Variants in CHLSN observed in about 807,000 individuals in gnomAD.
CHLSN encodes protein cholesin.
chr7:1,007,055 G>A, the CHLSN span, among the ~76,000 whole-genome samples: 15 of 152,312 alleles, frequency 9.8e-5, no homozygotes, highest in East Asian at 2.5e-3. Context: ...GCGCTGGGTC[G>A]ACGTGTCTTG....
At chr7:988,212 C>G in the CHLSN span, 30 of 1,504,078 alleles carry the variant, frequency 2.0e-5, no homozygotes, top group South Asian at 6.5e-5. Flanking sequence ...AATGAAACTT[C>G]CCAACCCAGG....
the CHLSN span, among the ~76,000 whole-genome samples, chr7:1,121,846 C>T: frequency 3.4e-4 from 51 of 152,102 alleles, no homozygotes; most frequent in African/African-American, 1.1e-3. Flanking sequence ...CACAGGGCAG[C>T]GTGCTGCACC....
chr7:1,063,582 C>T, the CHLSN span, among the ~76,000 whole-genome samples: 3 of 152,230 alleles, frequency 2.0e-5, no homozygotes, highest in Admixed American at 6.5e-5. Context: ...ACCATGGGCC[C>T]CTGCGTGGGG....
At chr7:1,075,101 C>A in the CHLSN span, among the ~76,000 whole-genome samples, 10 of 152,290 alleles carry the variant, frequency 6.6e-5, no homozygotes, top group Middle Eastern at 6.8e-3. Flanking sequence ...AGCCTTGCCG[C>A]CACCTCCATC....
the CHLSN span, chr7:988,630 C>A: frequency 6.2e-7 from 1 of 1,602,978 alleles, no homozygotes; most frequent in Non-Finnish European, 8.5e-7. Context: ...GGACATCCCC[C>A]GCAGGCCGCC....
chr7:1,033,269 T>C, the CHLSN span, among the ~76,000 whole-genome samples: 1 of 152,158 alleles, frequency 6.6e-6, no homozygotes, highest in South Asian at 2.1e-4. Flanking sequence ...TATTTAAAAA[T>C]CCATTGGGCC....
At chr7:1,093,801 CAT>C in the CHLSN span, 2 of 412,858 alleles carry the variant, frequency 4.8e-6, no homozygotes, top group African/African-American at 2.1e-5. Context: ...ATAAACCTGT[CAT>C]GTGCGGATCC....
chr7:986,677 C>G, the CHLSN span: 1 of 1,612,682 alleles, frequency 6.2e-7, no homozygotes, highest in Non-Finnish European at 8.5e-7. Flanking sequence ...ACCGGCCCGT[C>G]CTGCGCAAGA....
chr7:1,039,779 T>C, the CHLSN span, among the ~76,000 whole-genome samples: 5 of 66,818 alleles, frequency 7.5e-5, no homozygotes, highest in Admixed American at 2.9e-4. Flanking sequence ...TTGCCGTGTC[T>C]GTGTAGAAAG....
the CHLSN span, among the ~76,000 whole-genome samples, chr7:1,071,870 T>C: frequency 2.0e-5 from 3 of 152,160 alleles, no homozygotes; most frequent in Non-Finnish European, 4.4e-5. Flanking sequence ...TAGGACACCT[T>C]AGAAGGAGGG....
chr7:1,000,651 G>A, the CHLSN span: 7 of 919,776 alleles, frequency 7.6e-6, no homozygotes, highest in African/African-American at 1.6e-5. Context: ...AGGAGAGGGA[G>A]CCCCACCAGG....
chr7:1,108,895 A>ATTT, the CHLSN span, among the ~76,000 whole-genome samples: 25 of 129,502 alleles, frequency 1.9e-4, 1 homozygote, highest in African/African-American at 3.8e-4. Context: ...TCTCCCAGGC[A>ATTT]TTTTTTTTTT....
chr7:1,120,401 C>T, the CHLSN span, among the ~76,000 whole-genome samples: 1 of 152,106 alleles, frequency 6.6e-6, no homozygotes, highest in Non-Finnish European at 1.5e-5. Context: ...CGGTGATTCT[C>T]CCATCTTCGC....
At chr7:1,136,942 G>A in the CHLSN span, among the ~76,000 whole-genome samples, 1 of 151,982 alleles carries the variant, frequency 6.6e-6, no homozygotes, top group South Asian at 2.1e-4. Flanking sequence ...CCCAGAATGT[G>A]ACTCCCTTAA....
the CHLSN span, among the ~76,000 whole-genome samples, chr7:1,036,343 TGCAGGGC>T: frequency 4.6e-5 from 7 of 151,528 alleles, no homozygotes; most frequent in East Asian, 1.9e-4. Context: ...GCTGTGGCCG[TGCAGGGC>T]TCGGGTGCTC....
the CHLSN span, among the ~76,000 whole-genome samples, chr7:1,066,628 C>T: frequency 2.0e-5 from 3 of 152,338 alleles, no homozygotes; most frequent in South Asian, 2.1e-4. Context: ...TGTCTGTCCA[C>T]GGGATGCCCA....
chr7:1,017,777 CA>C, the CHLSN span, among the ~76,000 whole-genome samples: 1 of 152,224 alleles, frequency 6.6e-6, no homozygotes, highest in Non-Finnish European at 1.5e-5. Flanking sequence ...CTGCGGACGG[CA>C]GGGTAAGGGG....
chr7:1,062,138 G>A, the CHLSN span, among the ~76,000 whole-genome samples: 1 of 152,068 alleles, frequency 6.6e-6, no homozygotes, highest in Non-Finnish European at 1.5e-5. Context: ...TCTTATTTTT[G>A]TTTATCCACA....
chr7:1,098,577 C>T, the CHLSN span, among the ~76,000 whole-genome samples: 5 of 151,944 alleles, frequency 3.3e-5, no homozygotes, highest in South Asian at 2.1e-4. Context: ...AAAGCAGACA[C>T]GAGTGGAGCT....
Sources: allele counts gnomAD v4.1 joint callset (sites outside exome capture counted in the v4.1 genomes callset), GRCh38; gene constraint gnomAD v4.1.1; transcripts MANE v1.5; gene names NCBI Gene and HGNC (gene_info 2026-07-23, HGNC 2026-07-21).